Variants in CDH23 observed in about 807,000 individuals in gnomAD.
CDH23 encodes cadherin-23.
A neutral mutation model predicts 317.1 loss-of-function variants in CDH23; 189 were observed. That is an observed-to-expected ratio of 0.60 (90% confidence interval 0.53 to 0.67). The LOEUF is 0.67. Ranked by LOEUF, CDH23 falls within the 30% of genes least tolerant of loss-of-function variation. The pLI, the probability that CDH23 is intolerant of heterozygous loss-of-function variation, is 0.00. For missense variants in CDH23, 4,401 were observed against 4,592.4 expected (o/e 0.96, Z 1.20); for synonymous variants, 1,839 against 1,876.8 (o/e 0.98, Z 0.52).
intron 6 of CDH23, among the ~76,000 whole-genome samples, chr10:71,529,198 G>A (rs1167967125): frequency 6.6e-6 from 1 of 152,182 alleles, no homozygotes; most frequent in Non-Finnish European, 1.5e-5. Flanking sequence ...CCCAGGCGAT[G>A]CCAGTGCTGC....
chr10:71,621,632 A>C (rs548901277), intron 11 of CDH23, among the ~76,000 whole-genome samples: 1 of 152,324 alleles, frequency 6.6e-6, no homozygotes, highest in African/African-American at 2.4e-5. Flanking sequence ...TCTGCGGGGC[A>C]GTCGAGGGAG....
chr10:71,615,018 T>C (rs1201936056), intron 9 of CDH23, among the ~76,000 whole-genome samples: 1 of 152,130 alleles, frequency 6.6e-6, no homozygotes, highest in African/African-American at 2.4e-5. Flanking sequence ...TACATCACGG[T>C]CATAAATAAA....
intron 6 of CDH23, among the ~76,000 whole-genome samples, chr10:71,556,031 G>C (rs1170466673): frequency 6.6e-6 from 1 of 152,218 alleles, no homozygotes; most frequent in Non-Finnish European, 1.5e-5. Flanking sequence ...CCAAAGGAAG[G>C]CAGGTCAAAA....
At chr10:71,435,552 G>A (rs942093784) in intron 1 of CDH23, among the ~76,000 whole-genome samples, 1 of 152,178 alleles carries the variant, frequency 6.6e-6, no homozygotes, top group African/African-American at 2.4e-5. Context: ...TGAGAGATTT[G>A]GGGGCAGCTG....
At chr10:71,417,237 C>A (rs1848574883) in intron 1 of CDH23, among the ~76,000 whole-genome samples, 1 of 151,932 alleles carries the variant, frequency 6.6e-6, no homozygotes, top group Non-Finnish European at 1.5e-5. Context: ...CCACCACACC[C>A]AGCTAATTTT....
chr10:71,398,632 A>C (rs2131881325), intron 1 of CDH23, among the ~76,000 whole-genome samples: 1 of 152,194 alleles, frequency 6.6e-6, no homozygotes, highest in East Asian at 1.9e-4. Flanking sequence ...TTCGTGGTGC[A>C]GGGGTAGGCG....
intron 61 of CDH23, 103 bp from the exon 62 acceptor site, chr10:71,810,369 T>A (rs939556284): frequency 2.8e-6 from 3 of 1,052,858 alleles, no homozygotes; most frequent in Non-Finnish European, 2.9e-6. Context: ...TAGTGAAGGG[T>A]CTATTTGCAG....
chr10:71,456,964 A>G (rs1277295494), intron 3 of CDH23, among the ~76,000 whole-genome samples: 1 of 152,178 alleles, frequency 6.6e-6, no homozygotes, highest in East Asian at 1.9e-4. Flanking sequence ...CTTTGCTTTT[A>G]AGGAGCTCCA....
chr10:71,575,038 AAG>A (rs936518590), intron 8 of CDH23, among the ~76,000 whole-genome samples: 2 of 152,086 alleles, frequency 1.3e-5, no homozygotes, highest in African/African-American at 4.8e-5. Flanking sequence ...CATGTGAGGA[AAG>A]AGAGAGAGGG....
chr10:71,490,367 T>G (rs1852587892), intron 3 of CDH23, among the ~76,000 whole-genome samples: 2 of 152,238 alleles, frequency 1.3e-5, no homozygotes, highest in East Asian at 3.8e-4. Flanking sequence ...AGGATTTTTT[T>G]CTATTTATCT....
intron 1 of CDH23, 110 bp from the exon 2 acceptor site, chr10:71,439,717 C>A: frequency 1.3e-6 from 1 of 747,826 alleles, no homozygotes. Flanking sequence ...CCTTCTCCTC[C>A]CTTCCCAGCC....
intron 41 of CDH23, among the ~76,000 whole-genome samples, chr10:71,780,581 T>C (rs1049475036): frequency 2.0e-5 from 3 of 151,792 alleles, no homozygotes; most frequent in Non-Finnish European, 2.9e-5. Flanking sequence ...AAGGGAAGCA[T>C]AGGAAGAAAT....
intron 32 of CDH23, among the ~76,000 whole-genome samples, chr10:71,733,165 T>C (rs1392697936): frequency 6.6e-6 from 1 of 152,178 alleles, no homozygotes; most frequent in Non-Finnish European, 1.5e-5. Flanking sequence ...TTACTTACTA[T>C]TACCAAAGTA....
At chr10:71,757,478 T>A (rs1840178567) in intron 38 of CDH23, 2 of 152,364 alleles carry the variant, frequency 1.3e-5, no homozygotes, top group Non-Finnish European at 2.9e-5. Flanking sequence ...CGTAGGCATC[T>A]CTGCAGAGCT....
In CDH23 at chr10:71,535,013, G is replaced by C. The variant is rs150478344; in HGVS notation, c.429+23801G>C. 2.1e-3 allele frequency among the ~76,000 whole-genome samples: 315 copies of C among 152,360 alleles called. 2 individuals carry two copies. Among genetic ancestry groups the C allele is most frequent in the African/African-American group, 7.1e-3 (297 of 41,580 alleles). Reference sequence around the variant, plus strand: ...TGTGGGCTGTCAGGAGAGGGCCCCTGGGGGCTGGGCTCACTTTGCCTGTGC... The same window carrying C: ...TGTGGGCTGTCAGGAGAGGGCCCCTCGGGGCTGGGCTCACTTTGCCTGTGC... On this transcript the variant is annotated intron_variant, in intron 6 of 69. Transcript: ENST00000224721.
intron 1 of CDH23, among the ~76,000 whole-genome samples, chr10:71,423,949 G>T (rs1386187259): frequency 6.6e-6 from 1 of 152,230 alleles, no homozygotes; most frequent in Non-Finnish European, 1.5e-5. Context: ...TGCAACAAGG[G>T]TGACATGCTC....
chr10:71,420,202 CT>C (rs931956498), intron 1 of CDH23, among the ~76,000 whole-genome samples: 20 of 151,002 alleles, frequency 1.3e-4, no homozygotes, highest in South Asian at 4.2e-4. Context: ...ACCAAATTAT[CT>C]TTTTTTTTCA....
At position 71,558,975 on chromosome 10, in the gene CDH23, C is replaced by T. The variant is rs190350529; in HGVS notation, c.430-7767C>T. Among the ~76,000 whole-genome samples, 14 of 152,254 alleles carry T rather than the reference C, an allele frequency of 9.2e-5. 1 individual carries two copies. The highest frequency in any genetic ancestry group is 3.4e-4 in the African/African-American group (14 of 41,542). On this transcript the variant is annotated intron_variant, in intron 6 of 69. Coordinates refer to ENST00000224721, the MANE Select transcript of CDH23 (RefSeq NM_022124.6). ...GAGTCCAGAACCCAACTAACTCAGA[C>T]CCTCTAGAAAGTAAATCTCACATTT...
chr10:71,723,144 G>A (rs1325936135), intron 28 of CDH23, among the ~76,000 whole-genome samples: 1 of 152,164 alleles, frequency 6.6e-6, no homozygotes, highest in African/African-American at 2.4e-5. Flanking sequence ...AAAAGAAGTG[G>A]GAGAGCCCAG....
Sources: allele counts gnomAD v4.1 joint callset (sites outside exome capture counted in the v4.1 genomes callset), GRCh38; gene constraint gnomAD v4.1.1; transcripts MANE v1.5; gene names NCBI Gene and HGNC (gene_info 2026-07-23, HGNC 2026-07-21).